Variants in MAGEA4 observed in about 807,000 individuals in gnomAD.
The protein encoded by MAGEA4 is MAGE family member A4.
A neutral mutation model predicts 13.7 loss-of-function variants in MAGEA4; 1 was observed. The ratio of observed to expected loss-of-function variants is 0.07; its 90% CI spans 0.03 to 0.35. MAGEA4 has a LOEUF of 0.35. MAGEA4 is among the 10% of genes least tolerant of loss of function. The probability of loss-of-function intolerance (pLI) is 0.99; values close to 1 mark genes in which losing one functional copy is unlikely to be tolerated. For missense variants in MAGEA4, 312 were observed against 245.1 expected, an observed-to-expected ratio of 1.27 and a Z score of -1.82; for synonymous variants, 132 against 101.1, an observed-to-expected ratio of 1.31 and a Z score of -1.83.
chrX:151,923,901 T>C lies in MAGEA4; in HGVS notation c.237T>C (p.Thr79=). Residue 79 remains threonine, a synonymous_variant, in exon 3 of 3, where the codon ACT becomes ACC. Coordinates refer to ENST00000276344, the MANE Select transcript of MAGEA4 (RefSeq NM_001011548.1). ...ASALPTTISF[T]CWRQPNEGSS... is the part of the protein sequence containing the mutation. ...CCTTACCCACTACCATCAGCTTCAC[T>C]TGCTGGAGGCAACCCAATGAGGGTT... is the stretch of plus-strand genomic sequence containing the variant. The C allele has an allele frequency of 1.7e-6, 2 of 1,211,540 alleles. No homozygotes were observed. The highest frequency in any genetic ancestry group is 2.2e-6 in the Non-Finnish European group (2 of 895,438).
chrX:151,922,290 C>G (rs895174196), intron 1 of MAGEA4, among the ~76,000 whole-genome samples: 33 of 111,468 alleles, frequency 3.0e-4, no homozygotes, highest in Admixed American at 1.4e-3. Context: ...GCCAATTTCA[C>G]TTGTTCCACA....
chrX:151,919,432 C>T (rs1326954320), intron 1 of MAGEA4, among the ~76,000 whole-genome samples: 1 of 102,149 alleles, frequency 9.8e-6, no homozygotes, highest in Non-Finnish European at 2.0e-5. Flanking sequence ...ACCCCAAAAC[C>T]CGGGCCCCTC....
At chrX:151,923,322 C>A in intron 1 of MAGEA4, 131 bp from the exon 2 acceptor site, 1 of 372,658 alleles carries the variant, frequency 2.7e-6, no homozygotes, top group Non-Finnish European at 4.6e-6. Flanking sequence ...GAATGCACAC[C>A]AAGGGCCCCA....
At position 151,924,792 on chromosome X, in the gene MAGEA4, G is replaced by A; in HGVS notation, c.*174G>A. The A allele has an allele frequency of 2.3e-6, 1 of 439,100 alleles. No homozygotes were observed. The highest frequency in any genetic ancestry group is 3.7e-6 in the Non-Finnish European group (1 of 271,036). The allele number at this position is 439,100 out of a possible 1,213,427, so 36.2% of individuals were successfully genotyped here. ...TTTCTATTTTGTTGGATGACTTGGA[G>A]ATTTATCTCTGTTTCCTTTTACAAT... On this transcript the variant is annotated 3_prime_UTR_variant, in exon 3 of 3. Transcript: ENST00000276344.
chrX:151,920,279 G>A (rs1359948651), intron 1 of MAGEA4, among the ~76,000 whole-genome samples: 1 of 110,207 alleles, frequency 9.1e-6, no homozygotes, highest in Non-Finnish European at 1.9e-5. Flanking sequence ...GCTCTGTGAG[G>A]TGGCATAGTG....
rs946206469 is a variant in MAGEA4, at chrX:151,913,669, G to A, written c.-138+700G>A. The A allele has an allele frequency of 2.2e-4, 156 of 714,881 alleles. No individual in the cohort carries two copies. In the African/African-American group the frequency reaches 3.6e-3, roughly 17 times the overall value. The allele number at this position is 714,881 out of a possible 1,213,427, so 58.9% of individuals were successfully genotyped here. On this transcript the variant is annotated intron_variant, in intron 1 of 2. Coordinates refer to ENST00000276344, the MANE Select transcript of MAGEA4 (RefSeq NM_001011548.1). The stretch of plus-strand genomic sequence containing the variant: ...TAATCCCGCACCACTCCTGCTACCA[G>A]CCGTGGGCCACCCGTGGGCGGACTT...
At chrX:151,923,307 G>A in intron 1 of MAGEA4, 146 bp from the exon 2 acceptor site, 1 of 323,997 alleles carries the variant, frequency 3.1e-6, no homozygotes. Context: ...GTGAATGTTT[G>A]CCCTGAATGC....
chrX:151,922,652 T>C lies in MAGEA4; in HGVS notation c.-137-801T>C, dbSNP rs143456870. ...TCCTGGTGAGGAATGTGAGGGAGGATTGAGGGTACCACAGGGCCAGAACGC... is the reference window on the plus strand; with the variant it reads ...TCCTGGTGAGGAATGTGAGGGAGGACTGAGGGTACCACAGGGCCAGAACGC... On this transcript the variant is annotated intron_variant, in intron 1 of 2. Coordinates refer to ENST00000276344, the MANE Select transcript of MAGEA4 (RefSeq NM_001011548.1). Among the ~76,000 whole-genome samples, 1,001 of 111,227 alleles carry C rather than the reference T, an allele frequency of 9.0e-3. 3 individuals carry two copies. Among genetic ancestry groups the C allele is most frequent in the Non-Finnish European group, 0.015 (808 of 52,805 alleles).
intron 1 of MAGEA4, among the ~76,000 whole-genome samples, chrX:151,921,721 C>T (rs1603074455): frequency 8.9e-6 from 1 of 112,251 alleles, no homozygotes; most frequent in African/African-American, 3.2e-5. Flanking sequence ...TCTTGACATC[C>T]ACATCGAGGG....
chrX:151,919,619 C>A, intron 1 of MAGEA4: 1 of 748,280 alleles, frequency 1.3e-6, no homozygotes. Flanking sequence ...GAATGTGATG[C>A]CACTGACTTG....
At chrX:151,921,727 G>C (rs774878871) in intron 1 of MAGEA4, among the ~76,000 whole-genome samples, 4 of 112,070 alleles carry the variant, frequency 3.6e-5, no homozygotes, top group African/African-American at 1.3e-4. Context: ...CATCCACATC[G>C]AGGGCTGAAG....
At position 151,924,529 on chromosome X, in the gene MAGEA4, G is replaced by C. The variant is rs938578178; in HGVS notation, c.865G>C (p.Glu289Gln). ...TGAAACCAGCTATGTGAAAGTCCTG[G>C]AGCATGTGGTCAGGGTCAATGCAAG... Reference protein sequence around the residue: ...LAETSYVKVLEHVVRVNARVR... With the variant: ...LAETSYVKVLQHVVRVNARVR... The change falls in exon 3 of 3, where the codon GAG becomes CAG. Residue 289 changes from glutamate to glutamine, a missense_variant. Coordinates refer to ENST00000276344, the MANE Select transcript of MAGEA4 (RefSeq NM_001011548.1). 2 of 1,209,972 alleles carry C rather than the reference G, an allele frequency of 1.7e-6. No individual in the cohort carries two copies. Among genetic ancestry groups the C allele is most frequent in the African/African-American group, 3.5e-5 (2 of 57,267 alleles).
intron 1 of MAGEA4, chrX:151,913,533 G>A: frequency 5.3e-6 from 4 of 749,103 alleles, no homozygotes; most frequent in Non-Finnish European, 4.7e-6. Context: ...TGCTCTGTCT[G>A]ACCAGCAGCT....
intron 1 of MAGEA4, chrX:151,913,650 C>T (rs1933000059): frequency 1.9e-5 from 14 of 739,339 alleles, no homozygotes; most frequent in Non-Finnish European, 1.6e-5. Flanking sequence ...CAAATAATCC[C>T]GCACCACTCC....
At position 151,924,757 on chromosome X, in the gene MAGEA4, T is replaced by C; in HGVS notation, c.*139T>C. The C allele has an allele frequency of 5.0e-6, 3 of 597,743 alleles. No homozygotes were observed. In the South Asian group the frequency reaches 1.7e-4, roughly 34 times the overall value. 49.3% of individuals were successfully genotyped at this position (597,743 alleles called of 1,213,427 possible). The stretch of plus-strand genomic sequence containing the variant: ...GTTTGAAGAAAATAGTCAGTGTTCT[T>C]AGTAGTGGGTTTCTATTTTGTTGGA... On this transcript the variant is annotated 3_prime_UTR_variant, in exon 3 of 3. Coordinates refer to ENST00000276344, the MANE Select transcript of MAGEA4 (RefSeq NM_001011548.1).
intron 1 of MAGEA4, chrX:151,919,585 A>G: frequency 1.4e-6 from 1 of 708,961 alleles, no homozygotes; most frequent in Non-Finnish European, 1.6e-6. Flanking sequence ...TTCCGCTTTC[A>G]ACCCAAGAAA....
At chrX:151,921,727 G>T (rs774878871) in intron 1 of MAGEA4, among the ~76,000 whole-genome samples, 1 of 112,070 alleles carries the variant, frequency 8.9e-6, no homozygotes, top group East Asian at 2.8e-4. Flanking sequence ...CATCCACATC[G>T]AGGGCTGAAG....
Position 151,923,595 on chromosome X carries a change from C to A in MAGEA4, c.-65-5C>A, listed in dbSNP as rs771376925. 7 of 1,210,706 alleles carry A rather than the reference C, an allele frequency of 5.8e-6. No individual in the cohort carries two copies. In the South Asian group the frequency reaches 8.8e-5, roughly 15 times the overall value. On this transcript the variant is annotated splice_region_variant and splice_polypyrimidine_tract_variant and intron_variant, in intron 2 of 2. Coordinates refer to ENST00000276344, the MANE Select transcript of MAGEA4 (RefSeq NM_001011548.1). ...AGGTCTCTCACATGCTCCCTCTCTC[C>A]GTAGGCCTGTGGGTCCCCATTGCCC...
chrX:151,924,303 G>A lies in MAGEA4; in HGVS notation c.639G>A (p.Glu213=). The A allele has an allele frequency of 5.8e-6, 7 of 1,211,179 alleles. No individual in the cohort carries two copies. The highest frequency in any genetic ancestry group is 7.8e-6 in the Non-Finnish European group (7 of 895,261). ...LIIVLGTIAM[E]GDSASEEEIW... ...TCGTCCTGGGCACAATTGCAATGGA[G>A]GGCGACAGCGCCTCTGAGGAGGAAA... Residue 213 remains glutamate, a synonymous_variant, in exon 3 of 3, where the codon GAG becomes GAA. Transcript: ENST00000276344.
Sources: gnomAD v4.1 joint callset for allele counts (sites outside exome capture counted in the v4.1 genomes callset) on GRCh38, gnomAD v4.1.1 for gene constraint, MANE v1.5 for transcripts, NCBI Gene and HGNC (gene_info 2026-07-23, HGNC 2026-07-21) for gene names.